Variants in LNPK observed in about 807,000 individuals in gnomAD.
The protein encoded by LNPK is lunapark, ER junction formation factor, also known as endoplasmic reticulum junction formation protein lunapark.
Under a neutral mutation model 55.2 loss-of-function variants are expected in LNPK, and 29 were observed. The observed-to-expected ratio is 0.53, with a 90% confidence interval of 0.39 to 0.72. The LOEUF is 0.72. Ranked by LOEUF, LNPK falls within the 30% of genes least tolerant of loss-of-function variation. LNPK has a pLI of 0.00. For missense variants in LNPK, 467 were observed against 494.8 expected (o/e 0.94, Z 0.53); for synonymous variants, 162 against 168.2 (o/e 0.96, Z 0.29).
chr2:175,966,782 C>T (rs1030226080), intron 6 of LNPK, among the ~76,000 whole-genome samples: 9 of 152,190 alleles, frequency 5.9e-5, no homozygotes, highest in African/African-American at 1.4e-4. Context: ...CTGGGTTCAA[C>T]GCACATTTCT....
chr2:175,937,490 A>G lies in LNPK; in HGVS notation c.908T>C (p.Phe303Ser), dbSNP rs1326765070. The G allele has an allele frequency of 6.2e-7, 1 of 1,612,880 alleles. No homozygotes were observed. Among genetic ancestry groups the G allele is most frequent in the East Asian group, 2.2e-5 (1 of 44,832 alleles). ...TCTGGTTTTTCTTGCAGGGTTCAAG[A>G]AAAAACAGTAGGCACATCGAAAAGC... ...YIAFRCAYCF[F>S]LNPARKTRPQ... is the part of the protein sequence containing the mutation. The change falls in exon 12 of 13, where the codon TTC becomes TCC. Residue 303 changes from phenylalanine (F) to serine (S), a missense_variant. By Grantham distance (155) the Phe-to-Ser change is radical. Coordinates refer to ENST00000272748, the MANE Select transcript of LNPK (RefSeq NM_030650.3).
At chr2:175,932,383 A>C (rs760881763) in intron 12 of LNPK, among the ~76,000 whole-genome samples, 5 of 152,212 alleles carry the variant, frequency 3.3e-5, no homozygotes, top group Non-Finnish European at 5.9e-5. Context: ...ATAATCAGAA[A>C]ACAAGATACA....
intron 8 of LNPK, among the ~76,000 whole-genome samples, chr2:175,960,461 T>G (rs1250598431): frequency 6.6e-6 from 1 of 151,900 alleles, no homozygotes; most frequent in East Asian, 1.9e-4. Flanking sequence ...GAATGACTAC[T>G]AGGTAAATAA....
In LNPK at chr2:175,929,059, G is replaced by A. The variant is rs1455371928; in HGVS notation, c.*908C>T. 4 of 968,238 alleles carry A rather than the reference G, an allele frequency of 4.1e-6. No homozygotes were observed. The highest frequency in any genetic ancestry group is 1.8e-5 in the African/African-American group (1 of 56,682). The allele number at this position is 968,238 out of a possible 1,614,324, so 60.0% of individuals were successfully genotyped here. A position where few individuals can be genotyped will look rare whatever the true frequency, so the allele number is the denominator to read the frequency against. On this transcript the variant is annotated 3_prime_UTR_variant, in exon 13 of 13. Coordinates refer to ENST00000272748, the MANE Select transcript of LNPK (RefSeq NM_030650.3). ...AGCTATTCCTCCTAAGATTTTTCAG[G>A]TAGCCAAGTCACCCACCAAGATACT...
chr2:175,948,879 G>C (rs1685271426), intron 8 of LNPK, among the ~76,000 whole-genome samples: 1 of 152,032 alleles, frequency 6.6e-6, no homozygotes, highest in South Asian at 2.1e-4. Flanking sequence ...AGAAAGATTT[G>C]GTTGGAATCC....
intron 8 of LNPK, among the ~76,000 whole-genome samples, chr2:175,960,986 T>C (rs919397629): frequency 1.3e-5 from 2 of 152,132 alleles, no homozygotes; most frequent in African/African-American, 2.4e-5. Context: ...CCTGGACACA[T>C]ACACCCTCCC....
intron 5 of LNPK, among the ~76,000 whole-genome samples, chr2:175,976,597 T>G (rs1209281252): frequency 6.6e-6 from 1 of 152,180 alleles, no homozygotes; most frequent in East Asian, 1.9e-4. Context: ...CCTCAGCCAA[T>G]CAGCTGAAGG....
chr2:175,978,676 G>A (rs375775242), intron 5 of LNPK, among the ~76,000 whole-genome samples: 6 of 152,166 alleles, frequency 3.9e-5, no homozygotes, highest in Non-Finnish European at 7.4e-5. Flanking sequence ...TGCAATCATA[G>A]ATTTAAAATA....
chr2:175,927,193 C>G lies in LNPK; in HGVS notation c.*2774G>C, dbSNP rs1684049797. ...GAAAAAAAGTATCTCAGAGAATATT[C>G]AATGTCAATACTGCCAAGCAGTGAA... is the stretch of plus-strand genomic sequence containing the variant. On this transcript the variant is annotated 3_prime_UTR_variant, in exon 13 of 13. Transcript: ENST00000272748. 6.6e-6 allele frequency: 1 copy of G among 152,192 alleles called. No individual in the cohort carries two copies. The highest frequency in any genetic ancestry group is 6.5e-5 in the Admixed American group (1 of 15,272). 9.4% of individuals were successfully genotyped at this position (152,192 alleles called of 1,614,324 possible).
chr2:175,970,602 A>G (rs1298526354), intron 6 of LNPK, among the ~76,000 whole-genome samples, 162 bp downstream of exon 6: 2 of 152,184 alleles, frequency 1.3e-5, no homozygotes, highest in Admixed American at 1.3e-4. Flanking sequence ...CCTGTCAATC[A>G]TTATTAACTA....
chr2:175,994,092 A>C (rs1574904561), intron 2 of LNPK: 3 of 743,696 alleles, frequency 4.0e-6, no homozygotes, highest in Non-Finnish European at 4.9e-6. Flanking sequence ...TAGAATGAAA[A>C]CCAGCCAAAA....
chr2:175,964,314 C>T, intron 8 of LNPK, 58 bp downstream of exon 8: 1 of 1,420,486 alleles, frequency 7.0e-7, no homozygotes. Context: ...CTTTTGAACT[C>T]ACTTGGGTAA....
At chr2:175,970,553 G>A (rs1025809462) in intron 6 of LNPK, among the ~76,000 whole-genome samples, 2 of 151,548 alleles carry the variant, frequency 1.3e-5, no homozygotes, top group African/African-American at 4.9e-5. Flanking sequence ...AACTGATACA[G>A]ATTCTCAGAA....
At chr2:175,941,186 G>A (rs1424791769) in intron 9 of LNPK, 1 of 309,956 alleles carries the variant, frequency 3.2e-6, no homozygotes, top group Non-Finnish European at 6.4e-6. Flanking sequence ...ACGAGGTGGA[G>A]GCTGCAGTGA....
intron 12 of LNPK, among the ~76,000 whole-genome samples, chr2:175,933,888 C>A (rs911182759): frequency 6.6e-6 from 1 of 152,238 alleles, no homozygotes; most frequent in East Asian, 1.9e-4. Context: ...CACGCCACCA[C>A]ACCTGGATCA....
chr2:175,955,642 G>A (rs58022373), intron 8 of LNPK, among the ~76,000 whole-genome samples: 11,487 of 152,048 alleles, frequency 0.076, 466 homozygotes, highest in South Asian at 0.098. Flanking sequence ...CATTTTTCAC[G>A]TTCTCTGAAT....
intron 2 of LNPK, among the ~76,000 whole-genome samples, chr2:175,993,545 T>A (rs992486454): frequency 6.6e-6 from 1 of 152,160 alleles, no homozygotes; most frequent in Non-Finnish European, 1.5e-5. Context: ...CCACGCACGG[T>A]GGCTCACGCC....
intron 4 of LNPK, among the ~76,000 whole-genome samples, chr2:175,988,606 C>T (rs1299382385): frequency 6.6e-6 from 1 of 151,356 alleles, no homozygotes; most frequent in African/African-American, 2.4e-5. Context: ...CTTATTTAAC[C>T]ACCAAAGACT....
Position 175,933,940 on chromosome 2 carries a change from C to T in LNPK, c.1054+3404G>A, listed in dbSNP as rs774333327. 5.9e-5 allele frequency among the ~76,000 whole-genome samples: 9 copies of T among 152,222 alleles called. No individual in the cohort carries two copies. In the East Asian group the frequency reaches 7.7e-4, roughly 13 times the overall value. ...TAGAGACGAGGTCTCACAATATCGG[C>T]CAGGCTGGTCTCGAACTGACCTTGT... On this transcript the variant is annotated intron_variant, in intron 12 of 12. Coordinates refer to ENST00000272748, the MANE Select transcript of LNPK (RefSeq NM_030650.3).
Sources: gnomAD v4.1 joint callset for allele counts (sites outside exome capture counted in the v4.1 genomes callset) on GRCh38, gnomAD v4.1.1 for gene constraint, MANE v1.5 for transcripts, NCBI Gene and HGNC (gene_info 2026-07-23, HGNC 2026-07-21) for gene names.